Variants in DOCK2 observed in about 807,000 individuals in gnomAD.
The protein encoded by DOCK2 is dedicator of cytokinesis protein 2.
A neutral mutation model predicts 248.9 loss-of-function variants in DOCK2; 87 were observed. The observed-to-expected ratio is 0.35, with a 90% CI of 0.29 to 0.42. The LOEUF (loss-of-function observed/expected upper bound fraction) is 0.42, where lower values mean the gene tolerates loss of function less well. Ranked by LOEUF, DOCK2 falls within the 10% of genes least tolerant of loss-of-function variation. DOCK2 has a pLI of 1.00. For synonymous variants in DOCK2, 805 were observed against 821.6 expected (o/e 0.98, Z 0.35); for missense variants, 1,747 against 2,300.2 (o/e 0.76, Z 4.92).
chr5:169,864,462 GA>G, intron 27 of DOCK2: 1 of 1,521,894 alleles, frequency 6.6e-7, no homozygotes, highest in Non-Finnish European at 8.8e-7. Flanking sequence ...ACTCTACACT[GA>G]AAAACACAGA....
chr5:170,005,416 TG>T (rs1190527996), intron 30 of DOCK2, among the ~76,000 whole-genome samples: 2 of 152,168 alleles, frequency 1.3e-5, no homozygotes, highest in Non-Finnish European at 2.9e-5. Context: ...TGGGTACTTG[TG>T]GAGCTTACAG....
At chr5:169,937,744 G>T (rs1776055752) in intron 27 of DOCK2, among the ~76,000 whole-genome samples, 1 of 152,144 alleles carries the variant, frequency 6.6e-6, no homozygotes, top group Admixed American at 6.5e-5. Flanking sequence ...CTGCTCTCCT[G>T]GCTGGCAAGC....
intron 37 of DOCK2, among the ~76,000 whole-genome samples, 153 bp downstream of exon 37, chr5:170,041,298 G>C (rs568219217): frequency 6.6e-6 from 1 of 152,276 alleles, no homozygotes; most frequent in East Asian, 1.9e-4. Flanking sequence ...GATACTTTTT[G>C]CACTGCTTCC....
intron 27 of DOCK2, chr5:169,875,813 G>C (rs531938490): frequency 6.6e-6 from 1 of 152,550 alleles, no homozygotes; most frequent in Admixed American, 6.5e-5. Context: ...GATCTCTTTC[G>C]TCAGCTGTTA....
chr5:170,056,580 C>A (rs1312084216), intron 42 of DOCK2, 104 bp from the exon 43 acceptor site: 3 of 865,712 alleles, frequency 3.5e-6, no homozygotes, highest in Non-Finnish European at 5.6e-6. Context: ...CTCTGCCAGG[C>A]CTGAAGTTTA....
At chr5:169,654,112 G>C (rs1757958939) in intron 1 of DOCK2, among the ~76,000 whole-genome samples, 1 of 152,184 alleles carries the variant, frequency 6.6e-6, no homozygotes, top group African/African-American at 2.4e-5. Flanking sequence ...CATTTTAACT[G>C]CCTGGTGTAC....
chr5:169,780,329 GT>G (rs1561688267), intron 25 of DOCK2, among the ~76,000 whole-genome samples: 100 of 114,404 alleles, frequency 8.7e-4, no homozygotes, highest in African/African-American at 2.6e-3. Flanking sequence ...GTGTGTGTGT[GT>G]GTGTGTGTGT....
intron 25 of DOCK2, among the ~76,000 whole-genome samples, chr5:169,783,881 T>A (rs1213492806): frequency 6.6e-6 from 1 of 152,210 alleles, no homozygotes; most frequent in African/African-American, 2.4e-5. Flanking sequence ...TTGATGTATT[T>A]GTTTTTTCCC....
rs532116957 is a variant in DOCK2, at chr5:169,731,029, G to A, written c.2267+12238G>A. On this transcript the variant is annotated intron_variant, in intron 22 of 51. Transcript: ENST00000520908. ...CCCAAGTAGCTAGGACTAATGCCCA[G>A]CTAATTTTTAAATTTTTTTGTGGAG... Among the ~76,000 whole-genome samples, 10 of 152,156 alleles carry A rather than the reference G, an allele frequency of 6.6e-5. No homozygotes were observed. The East Asian group carries it at 1.7e-3, about 26-fold the overall frequency.
Position 169,883,911 on chromosome 5 carries a change from G to A in DOCK2, c.2799+43059G>A, listed in dbSNP as rs577904429. On this transcript the variant is annotated intron_variant, in intron 27 of 51. Transcript: ENST00000520908. ...TTTGCTGGGCCATTGAGCCTCAGTG[G>A]GAAGGATCAGGACCATACACTTCTC... The A allele has an allele frequency of 9.4e-6, 14 of 1,492,296 alleles. No individual in the cohort carries two copies. In the South Asian group the frequency reaches 1.5e-4, roughly 16 times the overall value. 92.4% of individuals were successfully genotyped at this position (1,492,296 alleles called of 1,614,324 possible). A position where few individuals can be genotyped will look rare whatever the true frequency, so the allele number is the denominator to read the frequency against.
intron 27 of DOCK2, among the ~76,000 whole-genome samples, chr5:169,905,930 C>T (rs906316528): frequency 6.6e-6 from 1 of 152,238 alleles, no homozygotes; most frequent in African/African-American, 2.4e-5. Flanking sequence ...TTGAACCTGA[C>T]TGTATCTAAA....
chr5:169,928,042 G>A (rs369204205), intron 27 of DOCK2, among the ~76,000 whole-genome samples: 1 of 152,160 alleles, frequency 6.6e-6, no homozygotes, highest in Non-Finnish European at 1.5e-5. Context: ...TCTTAAACAG[G>A]TGGTAGAGAG....
At chr5:170,063,603 T>A (rs2113864342) in intron 44 of DOCK2, among the ~76,000 whole-genome samples, 1 of 152,306 alleles carries the variant, frequency 6.6e-6, no homozygotes, top group East Asian at 1.9e-4. Context: ...TTCACTAGCC[T>A]TTCCTCTGTC....
chr5:169,996,592 G>A (rs1754643136), intron 30 of DOCK2, among the ~76,000 whole-genome samples: 2 of 152,228 alleles, frequency 1.3e-5, no homozygotes, highest in South Asian at 4.1e-4. Flanking sequence ...CATTTTTAGT[G>A]CTCAGCCAAT....
chr5:169,793,168 G>T (rs1467875178), intron 25 of DOCK2, among the ~76,000 whole-genome samples: 1 of 152,188 alleles, frequency 6.6e-6, no homozygotes, highest in East Asian at 1.9e-4. Flanking sequence ...ACCCTAAAAT[G>T]AATCTATTGC....
intron 25 of DOCK2, 128 bp downstream of exon 25, chr5:169,761,753 G>A: frequency 3.1e-6 from 2 of 638,596 alleles, no homozygotes; most frequent in Non-Finnish European, 5.2e-6. Context: ...CAACTCCCTT[G>A]GTCTGCATAA....
intron 22 of DOCK2, among the ~76,000 whole-genome samples, chr5:169,725,479 T>C (rs890789026): frequency 1.4e-5 from 2 of 147,556 alleles, no homozygotes; most frequent in African/African-American, 4.8e-5. Flanking sequence ...AGCTGTTTTT[T>C]CTTTTTATTT....
chr5:169,943,282 T>C (rs1776313015), intron 27 of DOCK2, among the ~76,000 whole-genome samples: 1 of 152,146 alleles, frequency 6.6e-6, no homozygotes, highest in Non-Finnish European at 1.5e-5. Context: ...GATTCTGGGT[T>C]GGATTTATCT....
chr5:169,657,902 T>A (rs1159897742), intron 2 of DOCK2, among the ~76,000 whole-genome samples: 1 of 152,206 alleles, frequency 6.6e-6, no homozygotes, highest in African/African-American at 2.4e-5. Context: ...ATAAAGAATG[T>A]TATTGTTGGG....
Sources: allele counts gnomAD v4.1 joint callset (sites outside exome capture counted in the v4.1 genomes callset), GRCh38; gene constraint gnomAD v4.1.1; transcripts MANE v1.5; gene names NCBI Gene and HGNC (gene_info 2026-07-23, HGNC 2026-07-21).